Variants in VRK2 observed in about 807,000 individuals in gnomAD.
The protein encoded by VRK2 is VRK serine/threonine kinase 2.
Under a neutral mutation model 57.6 loss-of-function variants are expected in VRK2, and 60 were observed. The ratio of observed to expected loss-of-function variants is 1.04; its 90% confidence interval spans 0.85 to 1.29. VRK2 has a LOEUF of 1.29. Ranked by LOEUF, VRK2 falls within the 50% of genes most tolerant of loss-of-function variation. VRK2 has a pLI of 0.00. For synonymous variants in VRK2, 231 were observed against 199.2 expected, an observed-to-expected ratio of 1.16 and a Z score of -1.35; for missense variants, 705 against 588.1, an observed-to-expected ratio of 1.20 and a Z score of -2.06.
chr2:57,994,284 G>A (rs1014579800), intron 1 of VRK2, among the ~76,000 whole-genome samples: 3 of 152,146 alleles, frequency 2.0e-5, no homozygotes, highest in African/African-American at 4.8e-5. Flanking sequence ...CTAATGGAGA[G>A]GGAAATGGTA....
chr2:57,935,380 G>T (rs892156736), intron 1 of VRK2, among the ~76,000 whole-genome samples: 1 of 152,096 alleles, frequency 6.6e-6, no homozygotes, highest in African/African-American at 2.4e-5. Context: ...AATCCAGGCT[G>T]GATGCTGAGA....
chr2:57,950,125 G>T (rs1671380026), intron 1 of VRK2, among the ~76,000 whole-genome samples: 1 of 152,228 alleles, frequency 6.6e-6, no homozygotes, highest in Non-Finnish European at 1.5e-5. Flanking sequence ...AGCAAGTGCT[G>T]ATGTGGAAGC....
intron 7 of VRK2, among the ~76,000 whole-genome samples, chr2:58,091,748 G>C (rs1050165346): frequency 1.3e-5 from 2 of 151,810 alleles, no homozygotes; most frequent in African/African-American, 4.8e-5. Context: ...TGATCGAAAA[G>C]AATGAATAAA....
At chr2:57,945,300 A>G (rs184377755) in intron 1 of VRK2, among the ~76,000 whole-genome samples, 1 of 152,284 alleles carries the variant, frequency 6.6e-6, no homozygotes, top group African/African-American at 2.4e-5. Context: ...TTAAATTTCC[A>G]TCATGAAGAT....
intron 1 of VRK2, among the ~76,000 whole-genome samples, chr2:57,941,528 T>A (rs898459380): frequency 2.6e-5 from 4 of 152,206 alleles, no homozygotes; most frequent in African/African-American, 9.6e-5. Flanking sequence ...CAAATCACCT[T>A]TCTGACACCT....
upstream of VRK2, among the ~76,000 whole-genome samples, chr2:58,043,607 T>C (rs143063331): frequency 9.8e-3 from 1,492 of 152,294 alleles, 14 homozygotes; most frequent in Non-Finnish European, 0.016. Flanking sequence ...GTTCATTGTA[T>C]AGTAGATATA....
At chr2:58,093,154 T>C (rs1293436169) in intron 7 of VRK2, among the ~76,000 whole-genome samples, 1 of 152,218 alleles carries the variant, frequency 6.6e-6, no homozygotes, top group Non-Finnish European at 1.5e-5. Context: ...AGCAGCATGA[T>C]TTATAATCCT....
intron 1 of VRK2, among the ~76,000 whole-genome samples, chr2:57,977,049 C>T (rs1325292660): frequency 6.6e-6 from 1 of 152,056 alleles, no homozygotes; most frequent in Non-Finnish European, 1.5e-5. Context: ...TCTCTTGGTT[C>T]TCTAACCTGC....
At chr2:58,093,650 C>G (rs1041148403) in intron 7 of VRK2, among the ~76,000 whole-genome samples, 2 of 152,072 alleles carry the variant, frequency 1.3e-5, no homozygotes, top group African/African-American at 4.8e-5. Flanking sequence ...TTTTGCTGTG[C>G]AGAAGCTCTT....
chr2:58,074,374 C>T (rs923450452), intron 2 of VRK2, among the ~76,000 whole-genome samples: 1 of 151,824 alleles, frequency 6.6e-6, no homozygotes, highest in Admixed American at 6.6e-5. Flanking sequence ...GGTTTTTTAT[C>T]TGTTTTTTTT....
At chr2:57,909,700 T>C (rs985562409) in intron 1 of VRK2, among the ~76,000 whole-genome samples, 1 of 152,222 alleles carries the variant, frequency 6.6e-6, no homozygotes, top group African/African-American at 2.4e-5. Flanking sequence ...TTGCTTTAAT[T>C]TGCTATTTAG....
At chr2:58,094,271 A>G (rs1015270848) in intron 7 of VRK2, among the ~76,000 whole-genome samples, 1 of 152,122 alleles carries the variant, frequency 6.6e-6, no homozygotes, top group Non-Finnish European at 1.5e-5. Flanking sequence ...GGCCATTCTG[A>G]TGATATTGAT....
chr2:57,962,274 A>G (rs1015102352), intron 1 of VRK2, among the ~76,000 whole-genome samples: 10 of 152,150 alleles, frequency 6.6e-5, no homozygotes, highest in African/African-American at 2.4e-4. Context: ...AATTCAGAAA[A>G]GAAAAATAAA....
At chr2:58,154,838 CTGTT>C (rs1170485332) in intron 12 of VRK2, 2 of 700,610 alleles carry the variant, frequency 2.9e-6, no homozygotes, top group East Asian at 2.7e-5. Context: ...CTGCTAAACC[CTGTT>C]TGTACTGCAT....
At chr2:58,065,249 A>C (rs1668454956) in intron 2 of VRK2, among the ~76,000 whole-genome samples, 1 of 152,098 alleles carries the variant, frequency 6.6e-6, no homozygotes, top group Admixed American at 6.6e-5. Context: ...TCACCCTAAA[A>C]TCTTCCTCAT....
chr2:57,984,234 T>C (rs1447830321), intron 1 of VRK2, among the ~76,000 whole-genome samples: 1 of 151,894 alleles, frequency 6.6e-6, no homozygotes, highest in East Asian at 1.9e-4. Flanking sequence ...AATAGTTTTT[T>C]TAAAGTGACA....
chr2:58,041,090 G>A, intron 3 of VRK2: 1 of 984,396 alleles, frequency 1.0e-6, no homozygotes, highest in South Asian at 4.7e-5. Flanking sequence ...AAAGGATGTA[G>A]AGTGTAAATA....
chr2:58,046,602 T>C (rs1396754176), upstream of VRK2: 27 of 985,548 alleles, frequency 2.7e-5, no homozygotes, highest in South Asian at 1.9e-4. Flanking sequence ...CCATTCCCCA[T>C]GTAGCCGCGC....
intron 1 of VRK2, among the ~76,000 whole-genome samples, chr2:57,992,018 C>G (rs1176459232): frequency 6.6e-6 from 1 of 151,442 alleles, no homozygotes; most frequent in Non-Finnish European, 1.5e-5. Flanking sequence ...ATTTTATCTT[C>G]AAGCATCTAG....
Sources: allele counts gnomAD v4.1 joint callset (sites outside exome capture counted in the v4.1 genomes callset), GRCh38; gene constraint gnomAD v4.1.1; transcripts MANE v1.5; gene names NCBI Gene and HGNC (gene_info 2026-07-23, HGNC 2026-07-21).